Variants in SNTG2 observed in about 807,000 individuals in gnomAD.
SNTG2 encodes syntrophin gamma 2.
A neutral mutation model predicts 70.9 loss-of-function variants in SNTG2; 74 were observed. That is an observed-to-expected ratio of 1.04 (90% CI 0.86 to 1.27). The LOEUF (loss-of-function observed/expected upper bound fraction) is 1.27, where lower values mean the gene tolerates loss of function less well. SNTG2 is among the 50% of genes most tolerant of loss of function. The pLI is 0.00. For synonymous variants in SNTG2, 278 were observed against 273.8 expected (o/e 1.02, Z -0.15); for missense variants, 717 against 690.7 (o/e 1.04, Z -0.43).
chr2:1,146,149 G>C (rs1191806682), intron 6 of SNTG2, among the ~76,000 whole-genome samples: 1 of 152,064 alleles, frequency 6.6e-6, no homozygotes. Flanking sequence ...AACAATACAA[G>C]GATGTCTCTT....
intron 14 of SNTG2, among the ~76,000 whole-genome samples, chr2:1,285,787 GTT>G (rs55678776): frequency 2.6e-5 from 4 of 151,410 alleles, no homozygotes; most frequent in Non-Finnish European, 5.9e-5. Context: ...AGCAGGTCGT[GTT>G]TTTTTTTCCT....
chr2:981,622 T>C (rs1402608973), intron 1 of SNTG2, among the ~76,000 whole-genome samples: 1 of 151,842 alleles, frequency 6.6e-6, no homozygotes, highest in Non-Finnish European at 1.5e-5. Flanking sequence ...CATATGCATA[T>C]ACACACAGGT....
At chr2:1,002,758 A>G (rs1200365169) in intron 1 of SNTG2, among the ~76,000 whole-genome samples, 1 of 151,502 alleles carries the variant, frequency 6.6e-6, no homozygotes, top group African/African-American at 2.4e-5. Context: ...ATATATACCC[A>G]AAGGGAAAAA....
chr2:1,050,372 G>T (rs1363835972), intron 1 of SNTG2, among the ~76,000 whole-genome samples: 1 of 152,032 alleles, frequency 6.6e-6, no homozygotes, highest in Non-Finnish European at 1.5e-5. Context: ...TCTTCTGTAT[G>T]CTCTGAATTA....
chr2:1,361,993 T>G (rs35406268), intron 16 of SNTG2, among the ~76,000 whole-genome samples: 1,097 of 19,868 alleles, frequency 0.055, 159 homozygotes, highest in Middle Eastern at 0.18. Context: ...TGAAAGTCAC[T>G]GATGCTGAGC....
At chr2:1,147,736 G>A (rs1398596591) in intron 6 of SNTG2, among the ~76,000 whole-genome samples, 1 of 152,228 alleles carries the variant, frequency 6.6e-6, no homozygotes, top group Non-Finnish European at 1.5e-5. Flanking sequence ...ACACAGGGAA[G>A]GAAATCTTTG....
In SNTG2 at chr2:1,097,260, G is replaced by A. The variant is rs560215177; in HGVS notation, c.211-936G>A. 3.3e-5 allele frequency among the ~76,000 whole-genome samples: 5 copies of A among 152,288 alleles called. No homozygotes were observed. The highest frequency in any genetic ancestry group is 2.1e-4 in the South Asian group (1 of 4,826). On this transcript the variant is annotated intron_variant, in intron 2 of 16. Coordinates refer to ENST00000308624, the MANE Select transcript of SNTG2 (RefSeq NM_018968.4). The surrounding 1 kb of genome is among the most constrained non-coding windows in gnomAD (Gnocchi z 4.1). ...TGCATCTGCACCTGCACCGCTGGCC[G>A]GGGCGGGAGCTCCCAGGTCCCCCCT...
intron 7 of SNTG2, 143 bp from the exon 8 acceptor site, chr2:1,172,949 G>A (rs774438360): frequency 1.0e-5 from 7 of 697,498 alleles, no homozygotes; most frequent in African/African-American, 1.8e-5. Flanking sequence ...GAGGCCATTG[G>A]GGATGACCCA....
intron 16 of SNTG2, among the ~76,000 whole-genome samples, chr2:1,318,078 C>T (rs1377131698): frequency 6.6e-6 from 1 of 152,110 alleles, no homozygotes; most frequent in Non-Finnish European, 1.5e-5. Flanking sequence ...GACCTTAGAC[C>T]TTTTAAATTC....
chr2:1,250,928 C>T (rs555831213), intron 12 of SNTG2, among the ~76,000 whole-genome samples: 10 of 152,320 alleles, frequency 6.6e-5, no homozygotes, highest in Non-Finnish European at 7.4e-5. Flanking sequence ...GCATACACTC[C>T]GGAACATTCC....
chr2:1,111,106 C>G (rs1167125644), intron 4 of SNTG2, among the ~76,000 whole-genome samples: 3 of 152,158 alleles, frequency 2.0e-5, no homozygotes, highest in Non-Finnish European at 4.4e-5. Context: ...AGAGGTACAG[C>G]AGATTGAATG....
intron 9 of SNTG2, among the ~76,000 whole-genome samples, chr2:1,230,630 C>G (rs1349394118): frequency 6.6e-6 from 1 of 152,192 alleles, no homozygotes; most frequent in Non-Finnish European, 1.5e-5. Context: ...ATAACCATTC[C>G]ACCTTGTGGG....
intron 1 of SNTG2, among the ~76,000 whole-genome samples, chr2:1,064,169 A>G (rs190848278): frequency 6.6e-6 from 1 of 151,086 alleles, no homozygotes; most frequent in East Asian, 1.9e-4. Context: ...ATGAACCTAG[A>G]ATTCTGTATC....
At chr2:1,088,395 T>G (rs2148185264) in intron 2 of SNTG2, among the ~76,000 whole-genome samples, 1 of 152,298 alleles carries the variant, frequency 6.6e-6, no homozygotes, top group South Asian at 2.1e-4. Context: ...CCTGTCTTTC[T>G]TGGTTGGGTC....
intron 16 of SNTG2, among the ~76,000 whole-genome samples, chr2:1,335,380 C>T (rs1049037431): frequency 5.9e-5 from 9 of 152,184 alleles, no homozygotes; most frequent in Admixed American, 1.3e-4. Flanking sequence ...CAGCCAACCA[C>T]GCTGCCTGCT....
At chr2:1,247,306 G>T (rs756469703) in intron 11 of SNTG2, 21 bp from the exon 12 acceptor site, 2 of 1,217,860 alleles carry the variant, frequency 1.6e-6, no homozygotes, top group Non-Finnish European at 2.3e-6. Context: ...GGCTTGGTTT[G>T]TAATTTTCAC....
chr2:1,169,398 G>A (rs1430049432), intron 7 of SNTG2, among the ~76,000 whole-genome samples: 1 of 152,118 alleles, frequency 6.6e-6, no homozygotes. Flanking sequence ...CTGCGTCTAA[G>A]CCAGCTTCCC....
In SNTG2 at chr2:1,350,752, T is replaced by G. The variant is rs1187787446; in HGVS notation, c.1489-16591T>G. On this transcript the variant is annotated intron_variant, in intron 16 of 16. Transcript: ENST00000308624. ...CAACATGCTTCCAAAAAAAGATATA[T>G]GAAGTTTTTTCAGCTGTCATTATTG... Among the ~76,000 whole-genome samples, 2 of 151,966 alleles carry G rather than the reference T, an allele frequency of 1.3e-5. 1 individual carries two copies. The highest frequency in any genetic ancestry group is 2.9e-5 in the Non-Finnish European group (2 of 68,002).
intron 4 of SNTG2, among the ~76,000 whole-genome samples, chr2:1,113,157 G>GT (rs1491266854): frequency 1.9e-5 from 2 of 105,772 alleles, no homozygotes; most frequent in Admixed American, 9.1e-5. Context: ...GGAGGATCGT[G>GT]GGTACTAAGT....
Sources: allele counts gnomAD v4.1 joint callset (sites outside exome capture counted in the v4.1 genomes callset), GRCh38; gene constraint gnomAD v4.1.1; non-coding constraint Gnocchi (gnomAD v3.1); transcripts MANE v1.5; gene names NCBI Gene and HGNC (gene_info 2026-07-23, HGNC 2026-07-21).